The following CFAP47 variants were observed in gnomAD, a reference collection of about 807,000 sequenced individuals.
CFAP47 encodes the protein cilia- and flagella-associated protein 47.
In CFAP47, 29 loss-of-function variants were observed where a neutral mutation model predicts 148.1. The ratio of observed to expected loss-of-function variants is 0.20; its 90% CI spans 0.15 to 0.27. CFAP47 has a LOEUF of 0.27. Among genes scored for constraint, CFAP47 ranks in the 10% least tolerant of loss-of-function variants. CFAP47 has a pLI of 1.00. For synonymous variants in CFAP47, 664 were observed against 577.3 expected (o/e 1.15, Z -2.15); for missense variants, 1,872 against 1,697.5 (o/e 1.10, Z -1.81).
chrX:36,198,036 C>A (rs1184053977), intron 42 of CFAP47, among the ~76,000 whole-genome samples: 1 of 111,060 alleles, frequency 9.0e-6, no homozygotes, highest in Non-Finnish European at 1.9e-5. Flanking sequence ...TTTGCATGAT[C>A]AATTTACCTT....
chrX:35,932,092 A>G lies in CFAP47; in HGVS notation c.401+5924A>G, dbSNP rs750773829. On this transcript the variant is annotated intron_variant, in intron 2 of 63. Coordinates refer to ENST00000378653, the MANE Select transcript of CFAP47 (RefSeq NM_001304548.2). ...GAGGCAGGGTCTTCCTCTGTTGCCC[A>G]GGTTGGAGTTCAGTGGTGTCAACAT... 2.8e-4 allele frequency among the ~76,000 whole-genome samples: 27 copies of G among 97,622 alleles called. No homozygotes were observed. The East Asian group carries it at 7.2e-3, about 26-fold the overall frequency. The allele number at this position is 97,622 out of a possible 115,157, so 84.8% of individuals were successfully genotyped here.
chrX:36,243,015 G>A lies in CFAP47; in HGVS notation c.7332+6156G>A, dbSNP rs192343133. 5.4e-5 allele frequency among the ~76,000 whole-genome samples: 6 copies of A among 111,558 alleles called. No individual in the cohort carries two copies. In the East Asian group the frequency reaches 1.7e-3, roughly 32 times the overall value. On this transcript the variant is annotated intron_variant, in intron 48 of 63. Transcript: ENST00000378653. ...ACCTTACAAACCAGAAGAAATTGGT[G>A]GTAGTGGTGGGCTATTTTCTACATC...
chrX:36,202,690 C>A (rs1486763523), intron 44 of CFAP47, among the ~76,000 whole-genome samples: 1 of 110,460 alleles, frequency 9.1e-6, no homozygotes. Context: ...CCAGCCTGAC[C>A]AATATGAAAC....
chrX:35,949,922 G>A (rs1936138698), intron 4 of CFAP47, among the ~76,000 whole-genome samples: 1 of 111,707 alleles, frequency 9.0e-6, no homozygotes, highest in Non-Finnish European at 1.9e-5. Context: ...GCCTGTATAG[G>A]GTTGAAGATC....
chrX:36,220,132 A>G (rs1278047936), intron 45 of CFAP47, among the ~76,000 whole-genome samples: 1 of 111,650 alleles, frequency 9.0e-6, no homozygotes, highest in Admixed American at 9.6e-5. Flanking sequence ...ATTTGATCTC[A>G]TATTAGGTCA....
intron 8 of CFAP47, 21 bp from the exon 9 acceptor site, chrX:35,966,544 C>G: frequency 1.0e-6 from 1 of 975,086 alleles, no homozygotes; most frequent in Non-Finnish European, 1.3e-6. Flanking sequence ...TTATTGGTTA[C>G]TTTTCATCTT....
chrX:36,124,714 G>T (rs1008503910), intron 33 of CFAP47, among the ~76,000 whole-genome samples: 1 of 111,056 alleles, frequency 9.0e-6, no homozygotes, highest in African/African-American at 3.3e-5. Flanking sequence ...TTAGTGATAT[G>T]AATTTAAAGC....
intron 40 of CFAP47, among the ~76,000 whole-genome samples, chrX:36,179,846 C>T (rs1602031785): frequency 9.0e-6 from 1 of 110,794 alleles, no homozygotes; most frequent in Non-Finnish European, 1.9e-5. Context: ...TTTCCTGACA[C>T]TGCCCCAATA....
At chrX:36,107,538 T>G (rs1259477192) in intron 33 of CFAP47, among the ~76,000 whole-genome samples, 2 of 112,410 alleles carry the variant, frequency 1.8e-5, no homozygotes, top group Non-Finnish European at 3.8e-5. Context: ...GATGTTCAAG[T>G]ATTTAAAACT....
chrX:36,310,789 A>T, intron 55 of CFAP47, 44 bp from the exon 56 acceptor site: 1 of 923,417 alleles, frequency 1.1e-6, no homozygotes, highest in Non-Finnish European at 1.5e-6. Context: ...AATAAAATAT[A>T]TGCAGTTAGG....
chrX:35,953,567 AT>A (rs1569213098), intron 6 of CFAP47, 24 bp from the exon 7 acceptor site: 26 of 1,155,552 alleles, frequency 2.3e-5, no homozygotes, highest in Non-Finnish European at 3.0e-5. Context: ...TGCTTTAAAA[AT>A]AACTCATTGT....
intron 23 of CFAP47, among the ~76,000 whole-genome samples, chrX:36,032,964 G>T (rs914282273): frequency 1.8e-5 from 2 of 111,020 alleles, no homozygotes; most frequent in African/African-American, 6.5e-5. Context: ...GAGGAAGAAG[G>T]CCACCAACTG....
chrX:36,346,455 T>G (rs1941698053), intron 57 of CFAP47, among the ~76,000 whole-genome samples: 1 of 111,410 alleles, frequency 9.0e-6, no homozygotes, highest in Admixed American at 9.7e-5. Flanking sequence ...GTTTCTGTCT[T>G]ATGGTTTTCA....
At chrX:36,066,476 C>T (rs1937642267) in intron 27 of CFAP47, among the ~76,000 whole-genome samples, 1 of 111,235 alleles carries the variant, frequency 9.0e-6, no homozygotes. Context: ...AAATAGAGGC[C>T]ATTAAGCAGT....
At chrX:36,038,886 A>G in intron 24 of CFAP47, 98 bp from the exon 25 acceptor site, 1 of 409,091 alleles carries the variant, frequency 2.4e-6, no homozygotes, top group Admixed American at 5.4e-5. Flanking sequence ...AAGTTGTAAC[A>G]TCATCGTACA....
intron 57 of CFAP47, among the ~76,000 whole-genome samples, chrX:36,331,153 G>A (rs1281641987): frequency 1.8e-5 from 2 of 111,321 alleles, no homozygotes; most frequent in South Asian, 3.7e-4. Context: ...CAGGGCTTCC[G>A]TGCTGCAAAA....
At chrX:36,339,159 T>C (rs1421125267) in intron 57 of CFAP47, among the ~76,000 whole-genome samples, 2 of 112,303 alleles carry the variant, frequency 1.8e-5, no homozygotes, top group Non-Finnish European at 3.8e-5. Context: ...TGGAATTATC[T>C]AGACAGGTCT....
chrX:36,019,924 A>G (rs1409115749), intron 22 of CFAP47, among the ~76,000 whole-genome samples: 1 of 111,295 alleles, frequency 9.0e-6, no homozygotes, highest in Non-Finnish European at 1.9e-5. Context: ...TCTTCATTTC[A>G]TTTTTTAAAA....
intron 19 of CFAP47, 43 bp from the exon 20 acceptor site, chrX:36,000,240 A>G (rs906272329): frequency 2.1e-5 from 6 of 280,714 alleles, no homozygotes; most frequent in African/African-American, 2.8e-5. Context: ...ACATTTTCAT[A>G]AACTATTCTA....
Sources: allele counts gnomAD v4.1 joint callset (sites outside exome capture counted in the v4.1 genomes callset), GRCh38; gene constraint gnomAD v4.1.1; transcripts MANE v1.5; gene names NCBI Gene and HGNC (gene_info 2026-07-23, HGNC 2026-07-21).